Variants in VAT1L observed in about 807,000 individuals in gnomAD.
The protein encoded by VAT1L is putative NADPH-dependent quinone oxidoreductase VAT1L.
VAT1L carries 34 observed loss-of-function variants against 44.1 expected under a neutral mutation model. The ratio of observed to expected loss-of-function variants is 0.77; its 90% CI spans 0.59 to 1.03. VAT1L has a LOEUF of 1.03. Ranked by LOEUF, VAT1L falls within the 50% of genes least tolerant of loss-of-function variation. VAT1L has a pLI of 0.00. For synonymous variants in VAT1L, 253 were observed against 202.2 expected, an observed-to-expected ratio of 1.25 and a Z score of -2.13; for missense variants, 615 against 538.8, an observed-to-expected ratio of 1.14 and a Z score of -1.40.
intron 3 of VAT1L, among the ~76,000 whole-genome samples, chr16:77,846,845 G>T (rs1426760843): frequency 6.6e-6 from 1 of 151,616 alleles, no homozygotes; most frequent in African/African-American, 2.4e-5. Flanking sequence ...GGTATATAGT[G>T]GTGTATTCAG....
rs1229895580 is a variant in VAT1L at position 77,884,610 on chromosome 16, G to A, written c.885G>A (p.Trp295Ter). 1.2e-5 allele frequency: 19 copies of A among 1,612,830 alleles called. No individual in the cohort carries two copies. The highest frequency in any genetic ancestry group is 1.6e-5 in the Non-Finnish European group (19 of 1,179,630). ...CCCAATACCACCTCTCTTTGCAGTG[G>A]TGGCAGGTGGAGAAGGTGAACCCCA... is the stretch of plus-strand genomic sequence containing the variant. ...TKSFFSFAKS[W>*]WQVEKVNPIK... The change falls in exon 7 of 9, where the codon TGG becomes TGA. Residue 295 changes from tryptophan (W) to a stop codon, truncating the protein, a stop_gained and splice_region_variant. Transcript: ENST00000302536. LOFTEE classifies it high-confidence loss of function. This position sits in a 1 kb window ranked among gnomAD's most constrained non-coding sequence, Gnocchi z 4.5.
At chr16:77,794,039 G>A (rs888602631) in intron 1 of VAT1L, among the ~76,000 whole-genome samples, 2 of 152,186 alleles carry the variant, frequency 1.3e-5, no homozygotes, top group African/African-American at 2.4e-5. Context: ...CTAAGTGGAA[G>A]AGCCATGTGA....
At chr16:77,977,431 C>T (rs1227228562) in intron 8 of VAT1L, among the ~76,000 whole-genome samples, 166 bp from the exon 9 acceptor site, 1 of 152,214 alleles carries the variant, frequency 6.6e-6, no homozygotes, top group Non-Finnish European at 1.5e-5. Flanking sequence ...AGCACCGTCT[C>T]TCAGGGTGCC....
In VAT1L at chr16:77,814,153, T is replaced by C. The variant is rs1304504124; in HGVS notation, c.234-2768T>C. Among the ~76,000 whole-genome samples, 9 of 152,184 alleles carry C rather than the reference T, an allele frequency of 5.9e-5. No homozygotes were observed. In the East Asian group the frequency reaches 1.7e-3, roughly 29 times the overall value. ...ATTGATGAGTCTTAAATAACAAAAG[T>C]CAAGCACTTAGCACAGTTCTTGACA... On this transcript the variant is annotated intron_variant, in intron 1 of 8. Transcript: ENST00000302536.
At position 77,923,177 on chromosome 16, in the gene VAT1L, G is replaced by A. The variant is rs562941395; in HGVS notation, c.1077+38375G>A. Among the ~76,000 whole-genome samples, 7 of 152,210 alleles carry A rather than the reference G, an allele frequency of 4.6e-5. No homozygotes were observed. The South Asian group carries it at 8.3e-4, about 18-fold the overall frequency. On this transcript the variant is annotated intron_variant, in intron 7 of 8. Transcript: ENST00000302536. ...TTAAAAGGAATAACTTTGGCTGGGC[G>A]CAGTGGCTCACGCCTGTAATTGCAG... is the stretch of plus-strand genomic sequence containing the variant.
At chr16:77,946,279 C>CATTTTTTTTTTTTTTTT (rs1223152362) in intron 7 of VAT1L, among the ~76,000 whole-genome samples, 1 of 70,428 alleles carries the variant, frequency 1.4e-5, no homozygotes, top group Admixed American at 2.3e-4. Flanking sequence ...GTTACTTGTT[C>CATTTTTTTTTTTTTTTT]TTTTTTTTTT....
intron 7 of VAT1L, among the ~76,000 whole-genome samples, chr16:77,949,638 T>C (rs74028723): frequency 6.6e-6 from 1 of 152,322 alleles, no homozygotes; most frequent in African/African-American, 2.4e-5. Context: ...CCTCTCTGTC[T>C]TGCTTCCTCT....
intron 7 of VAT1L, among the ~76,000 whole-genome samples, chr16:77,894,478 C>G (rs939397684): frequency 2.0e-5 from 3 of 152,074 alleles, no homozygotes; most frequent in Non-Finnish European, 4.4e-5. Context: ...GACAAACGCC[C>G]GGAACCCAGC....
chr16:77,933,280 G>A (rs1195542122), intron 7 of VAT1L, among the ~76,000 whole-genome samples: 2 of 152,144 alleles, frequency 1.3e-5, no homozygotes, highest in Admixed American at 1.3e-4. Flanking sequence ...ACTTGTCCAA[G>A]GTTCTTTTAG....
At chr16:77,832,811 T>C (rs1406935362) in intron 3 of VAT1L, among the ~76,000 whole-genome samples, 1 of 152,232 alleles carries the variant, frequency 6.6e-6, no homozygotes, top group African/African-American at 2.4e-5. Context: ...TCTATGTGCC[T>C]GAGCACTTGT....
At chr16:77,805,852 C>T (rs1597168534) in intron 1 of VAT1L, among the ~76,000 whole-genome samples, 1 of 98,650 alleles carries the variant, frequency 1.0e-5, no homozygotes, top group Admixed American at 1.0e-4. Context: ...GTTATTTTTT[C>T]CTTAGTCTCT....
intron 7 of VAT1L, among the ~76,000 whole-genome samples, chr16:77,945,982 A>G (rs1567517859): frequency 6.6e-6 from 1 of 151,852 alleles, no homozygotes; most frequent in Non-Finnish European, 1.5e-5. Context: ...TTGTATTTGT[A>G]GCAGAGACAG....
At chr16:77,919,751 C>T (rs1206617946) in intron 7 of VAT1L, among the ~76,000 whole-genome samples, 1 of 152,138 alleles carries the variant, frequency 6.6e-6, no homozygotes, top group Non-Finnish European at 1.5e-5. Context: ...GCAAGAGATA[C>T]CTATTACTAT....
At chr16:77,896,438 G>A (rs759584510) in intron 7 of VAT1L, among the ~76,000 whole-genome samples, 1 of 152,166 alleles carries the variant, frequency 6.6e-6, no homozygotes, top group Admixed American at 6.5e-5. Context: ...CCTTCCTTCG[G>A]TTTCTATTTA....
At chr16:77,889,903 A>G (rs569993497) in intron 7 of VAT1L, among the ~76,000 whole-genome samples, 2 of 152,200 alleles carry the variant, frequency 1.3e-5, no homozygotes, top group Admixed American at 6.5e-5. Flanking sequence ...CCCGGCCAAC[A>G]GGGTGAAGCC....
At chr16:77,935,460 G>T (rs1349397661) in intron 7 of VAT1L, among the ~76,000 whole-genome samples, 2 of 149,114 alleles carry the variant, frequency 1.3e-5, no homozygotes, top group African/African-American at 2.5e-5. Flanking sequence ...CAAGCCTTGT[G>T]CTCAGTATTT....
At chr16:77,812,185 G>A (rs1024692557) in intron 1 of VAT1L, among the ~76,000 whole-genome samples, 1 of 150,740 alleles carries the variant, frequency 6.6e-6, no homozygotes, top group African/African-American at 2.4e-5. Flanking sequence ...CGATTCTCCT[G>A]CCTCAGTCTC....
At chr16:77,909,809 C>G (rs1238761089) in intron 7 of VAT1L, among the ~76,000 whole-genome samples, 1 of 152,068 alleles carries the variant, frequency 6.6e-6, no homozygotes, top group Non-Finnish European at 1.5e-5. Flanking sequence ...AGTGGAGGAC[C>G]TGGGATTTGA....
At chr16:77,792,292 C>T (rs752451228) in intron 1 of VAT1L, among the ~76,000 whole-genome samples, 1 of 152,278 alleles carries the variant, frequency 6.6e-6, no homozygotes, top group East Asian at 1.9e-4. Flanking sequence ...TATCATGTCA[C>T]ATCTGCTTAG....
Sources: allele counts gnomAD v4.1 joint callset (sites outside exome capture counted in the v4.1 genomes callset), GRCh38; gene constraint gnomAD v4.1.1; non-coding constraint Gnocchi (gnomAD v3.1); transcripts MANE v1.5; gene names NCBI Gene and HGNC (gene_info 2026-07-23, HGNC 2026-07-21).